Variants in RORA observed in about 807,000 individuals in gnomAD.
RORA encodes the protein nuclear receptor ROR-alpha.
RORA carries 7 observed loss-of-function variants against 69.5 expected under a neutral mutation model. The ratio of observed to expected loss-of-function variants is 0.10; its 90% CI spans 0.06 to 0.19. The LOEUF (loss-of-function observed/expected upper bound fraction) is 0.19. Ranked by LOEUF, RORA falls within the 10% of genes least tolerant of loss-of-function variation. The probability of loss-of-function intolerance (pLI) is 1.00; values close to 1 mark genes in which losing one functional copy is unlikely to be tolerated. For missense variants in RORA, 457 were observed against 663.0 expected, an observed-to-expected ratio of 0.69 and a Z score of 3.41; for synonymous variants, 261 against 240.8, an observed-to-expected ratio of 1.08 and a Z score of -0.78.
intron 2 of RORA, among the ~76,000 whole-genome samples, chr15:60,631,180 C>T (rs1013908414): frequency 6.6e-6 from 1 of 152,176 alleles, no homozygotes; most frequent in African/African-American, 2.4e-5. Flanking sequence ...TGAGCCATTG[C>T]ACCCGGCCAG....
In RORA at chr15:60,515,750, T is replaced by C. The variant is rs557917920; in HGVS notation, c.283-993A>G. On this transcript the variant is annotated intron_variant, in intron 3 of 10. Coordinates refer to ENST00000335670, the MANE Select transcript of RORA (RefSeq NM_134261.3). ...ATTTCCAAACACATGGGGGCTTTTT[T>C]TCGGGGGAGGGGGCAGGGTCTTGCT... Among the ~76,000 whole-genome samples, 38 of 145,194 alleles carry C rather than the reference T, an allele frequency of 2.6e-4. 1 individual carries two copies. The East Asian group carries it at 7.6e-3, about 29-fold the overall frequency.
chr15:61,096,932 A>G (rs1193816258), intron 1 of RORA, among the ~76,000 whole-genome samples: 1 of 152,196 alleles, frequency 6.6e-6, no homozygotes, highest in East Asian at 1.9e-4. Flanking sequence ...ATCGATAAAT[A>G]TTTACTGGGC....
chr15:61,008,572 C>T (rs1450401280), intron 1 of RORA, among the ~76,000 whole-genome samples: 4 of 152,106 alleles, frequency 2.6e-5, no homozygotes, highest in African/African-American at 9.7e-5. Flanking sequence ...CTAAACTTTC[C>T]ACCTGTGACT....
At chr15:61,041,107 T>C (rs1369529496) in intron 1 of RORA, 2 of 152,200 alleles carry the variant, frequency 1.3e-5, no homozygotes, top group Non-Finnish European at 2.9e-5. Context: ...AACTCACCAG[T>C]GCAATCAGCA....
chr15:61,198,367 T>G (rs1195826952), intron 1 of RORA, among the ~76,000 whole-genome samples: 1 of 152,084 alleles, frequency 6.6e-6, no homozygotes, highest in East Asian at 1.9e-4. Context: ...GAGACTTGAG[T>G]GCTGATGATT....
chr15:60,984,721 A>T (rs1447580412), intron 1 of RORA, among the ~76,000 whole-genome samples: 1 of 151,868 alleles, frequency 6.6e-6, no homozygotes, highest in Non-Finnish European at 1.5e-5. Context: ...CACTTTGACA[A>T]TGGGGCACAT....
intron 1 of RORA, among the ~76,000 whole-genome samples, chr15:61,118,847 C>T (rs920713821): frequency 6.6e-6 from 1 of 152,026 alleles, no homozygotes; most frequent in Non-Finnish European, 1.5e-5. Context: ...GTATTTTCTT[C>T]ATTTCTTTTC....
rs1024018460 is a variant in RORA at position 60,518,084 on chromosome 15, G to A, written c.283-3327C>T. Among the ~76,000 whole-genome samples the A allele has an allele frequency of 3.3e-5, 5 of 151,942 alleles. No individual in the cohort carries two copies. In the East Asian group the frequency reaches 7.7e-4, roughly 23 times the overall value. Reference sequence around the variant, plus strand: ...TCGCTATGTTGCCCAGGCTGGTCTCGAACTCCTGGGCTCAAGCGGTCCTCC... The same window carrying A: ...TCGCTATGTTGCCCAGGCTGGTCTCAAACTCCTGGGCTCAAGCGGTCCTCC... On this transcript the variant is annotated intron_variant, in intron 3 of 10. Transcript: ENST00000335670.
chr15:60,998,457 G>C (rs994581117), intron 1 of RORA, among the ~76,000 whole-genome samples: 2 of 151,874 alleles, frequency 1.3e-5, no homozygotes, highest in East Asian at 3.9e-4. Flanking sequence ...GAGTGCAGTG[G>C]TGTGATCTCA....
intron 1 of RORA, among the ~76,000 whole-genome samples, chr15:61,179,473 G>A (rs1190930664): frequency 6.6e-6 from 1 of 152,098 alleles, no homozygotes; most frequent in African/African-American, 2.4e-5. Context: ...TTTATGTTAG[G>A]ATGCAATGGG....
intron 1 of RORA, among the ~76,000 whole-genome samples, chr15:61,087,892 C>G (rs1364688314): frequency 6.6e-6 from 1 of 152,208 alleles, no homozygotes; most frequent in East Asian, 1.9e-4. Flanking sequence ...GAGATTGTCA[C>G]AGTGCTTGAA....
intron 2 of RORA, among the ~76,000 whole-genome samples, chr15:60,574,617 TAAC>T (rs891636520): frequency 1.3e-5 from 2 of 152,240 alleles, no homozygotes; most frequent in Admixed American, 6.5e-5. Flanking sequence ...GGGATGTTAA[TAAC>T]AACACTTCTT....
In RORA at chr15:60,494,130, G is replaced by C. The variant is rs1567030990; in HGVS notation, c.*3325C>G. On this transcript the variant is annotated 3_prime_UTR_variant, in exon 11 of 11. Transcript: ENST00000335670. The stretch of plus-strand genomic sequence containing the variant: ...AGAAAGGGTGAATTAGGATGCTGAA[G>C]ACTTTAAAAAAAAATCCATAGCTTT... The C allele has an allele frequency of 6.6e-6, 1 of 151,850 alleles. No individual in the cohort carries two copies. Among genetic ancestry groups the C allele is most frequent in the African/African-American group, 2.4e-5 (1 of 41,350 alleles). The allele number at this position is 151,850 out of a possible 1,614,324, so 9.4% of individuals were successfully genotyped here. A position where few individuals can be genotyped will look rare whatever the true frequency, so the allele number is the denominator to read the frequency against.
intron 1 of RORA, among the ~76,000 whole-genome samples, chr15:60,782,842 T>A (rs978215539): frequency 6.6e-6 from 1 of 152,230 alleles, no homozygotes; most frequent in Non-Finnish European, 1.5e-5. Context: ...CTGGCCAAGC[T>A]GCATGGAAAC....
Position 60,517,110 on chromosome 15 carries a change from C to CTTTTTTTTTT in RORA, c.283-2363_283-2354dup, listed in dbSNP as rs34707279. On this transcript the variant is annotated intron_variant, in intron 3 of 10. Transcript: ENST00000335670. ...TTATTTTTCTTTTTGTTCATCTGTG[C>CTTTTTTTTTT]TTTTTTTTTTTTTCCCCCCTACAAT... Among the ~76,000 whole-genome samples, 949 of 141,022 alleles carry CTTTTTTTTTT rather than the reference C, an allele frequency of 6.7e-3. 38 individuals are homozygous for CTTTTTTTTTT. Among genetic ancestry groups the CTTTTTTTTTT allele is most frequent in the African/African-American group, 0.025 (880 of 35,272 alleles). 92.5% of individuals were successfully genotyped at this position (141,022 alleles called of 152,430 possible). A position where few individuals can be genotyped will look rare whatever the true frequency, so the allele number is the denominator to read the frequency against.
intron 3 of RORA, among the ~76,000 whole-genome samples, chr15:60,517,463 T>TTTTTATTTTATTTTA (rs58528279): frequency 0.021 from 3,186 of 151,868 alleles, 127 homozygotes; most frequent in African/African-American, 0.074. Flanking sequence ...AAAGCTATGT[T>TTTTTATTTTATTTTA]TTTTATTTTA....
intron 1 of RORA, among the ~76,000 whole-genome samples, chr15:60,804,053 G>C (rs1201269897): frequency 1.3e-5 from 2 of 152,072 alleles, no homozygotes; most frequent in East Asian, 3.9e-4. Context: ...ACTTTGAGAG[G>C]CCAAGGTGGC....
chr15:60,915,359 G>A (rs181821871), intron 1 of RORA, among the ~76,000 whole-genome samples: 142 of 152,348 alleles, frequency 9.3e-4, no homozygotes, highest in African/African-American at 3.3e-3. Flanking sequence ...GCTGGCCCTG[G>A]AGGAAGTTCT....
chr15:60,545,877 A>G (rs2067053385), intron 2 of RORA, among the ~76,000 whole-genome samples: 1 of 152,238 alleles, frequency 6.6e-6, no homozygotes, highest in Non-Finnish European at 1.5e-5. Context: ...GATCTCAGGA[A>G]TAGTGATAGA....
Sources: allele counts gnomAD v4.1 joint callset (sites outside exome capture counted in the v4.1 genomes callset), GRCh38; gene constraint gnomAD v4.1.1; transcripts MANE v1.5; gene names NCBI Gene and HGNC (gene_info 2026-07-23, HGNC 2026-07-21).